ASPSCR1: variants seen among roughly 807,000 people sequenced by gnomAD.
ASPSCR1 encodes the protein tether containing UBX domain for GLUT4.
Under a neutral mutation model 68.9 loss-of-function variants are expected in ASPSCR1, and 55 were observed. The observed-to-expected ratio is 0.80, with a 90% CI of 0.64 to 1.00. The LOEUF (loss-of-function observed/expected upper bound fraction) is 1.00, where lower values mean the gene tolerates loss of function less well. Among genes scored for constraint, ASPSCR1 ranks in the 50% least tolerant of loss-of-function variants. ASPSCR1 has a pLI of 0.00. For synonymous variants in ASPSCR1, 352 were observed against 332.6 expected (o/e 1.06, Z -0.63); for missense variants, 765 against 762.2 (o/e 1.00, Z -0.04).
intron 2 of ASPSCR1, among the ~76,000 whole-genome samples, chr17:81,981,589 T>C (rs1350141442): frequency 2.0e-5 from 3 of 151,946 alleles, no homozygotes; most frequent in Non-Finnish European, 4.4e-5. Context: ...ATGTTGGTCA[T>C]GCTGGTCTTC....
At chr17:82,015,344 G>T in intron 12 of ASPSCR1, 1 of 1,597,938 alleles carries the variant, frequency 6.3e-7, no homozygotes, top group Non-Finnish European at 8.5e-7. Context: ...ACAAGCACGT[G>T]GGGACAGGCC....
chr17:81,997,632 G>T (rs2042396282), intron 7 of ASPSCR1, among the ~76,000 whole-genome samples: 1 of 150,138 alleles, frequency 6.7e-6, no homozygotes, highest in East Asian at 1.9e-4. Context: ...GGGACTACAA[G>T]CGCGCACCAC....
rs1055554881 is a variant in ASPSCR1 at position 81,986,891 on chromosome 17, G to T, written c.374+1284G>T. On this transcript the variant is annotated intron_variant, in intron 4 of 15. Coordinates refer to ENST00000306739, the MANE Select transcript of ASPSCR1 (RefSeq NM_024083.4). The surrounding 1 kb of genome is among the most constrained non-coding windows in gnomAD (Gnocchi z 5.2). ...TGAGGTCTGCACGTCGGGTCTCAGT[G>T]GTCATGGGGATGGAAGCCACCCCAG... 6.6e-6 allele frequency among the ~76,000 whole-genome samples: 1 copy of T among 152,332 alleles called. No individual in the cohort carries two copies. The highest frequency in any genetic ancestry group is 2.4e-5 in the African/African-American group (1 of 41,568).
At chr17:82,015,118 C>G (rs750491850) in intron 12 of ASPSCR1, 1 of 1,598,218 alleles carries the variant, frequency 6.3e-7, no homozygotes, top group Non-Finnish European at 8.5e-7. Flanking sequence ...CTGGGTCCCT[C>G]GCTGAAACGG....
chr17:81,981,025 A>T (rs938993442), intron 2 of ASPSCR1, among the ~76,000 whole-genome samples: 1 of 152,218 alleles, frequency 6.6e-6, no homozygotes, highest in African/African-American at 2.4e-5. Flanking sequence ...AAGTAAATAA[A>T]TAAATAAATG....
chr17:81,999,827 G>A lies in ASPSCR1; in HGVS notation c.933+2981G>A, dbSNP rs2042469903. Among the ~76,000 whole-genome samples the A allele has an allele frequency of 6.6e-6, 1 of 152,174 alleles. No individual in the cohort carries two copies. The highest frequency in any genetic ancestry group is 2.1e-4 in the South Asian group (1 of 4,828). ...TTGCCTCCCGGCCACACACCTGGGA[G>A]GGCAGAGGCCGGGCGTCTGCACCGT... On this transcript the variant is annotated intron_variant, in intron 7 of 15. Coordinates refer to ENST00000306739, the MANE Select transcript of ASPSCR1 (RefSeq NM_024083.4). The surrounding 1 kb of genome is among the most constrained non-coding windows in gnomAD (Gnocchi z 4.4).
At chr17:82,000,106 G>A (rs545347554) in intron 7 of ASPSCR1, among the ~76,000 whole-genome samples, 2 of 152,362 alleles carry the variant, frequency 1.3e-5, no homozygotes, top group South Asian at 4.1e-4. Context: ...GGGTGAGCAG[G>A]GGCTGACCCC....
In ASPSCR1 at chr17:81,999,795, C is replaced by T. The variant is rs1415867901; in HGVS notation, c.933+2949C>T. Reference sequence around the variant, plus strand: ...ACTTCTGAGTGAAGCAACCTCATGCCTCCCTCTTGCCTCCCGGCCACACAC... The same window carrying T: ...ACTTCTGAGTGAAGCAACCTCATGCTTCCCTCTTGCCTCCCGGCCACACAC... On this transcript the variant is annotated intron_variant, in intron 7 of 15. Coordinates refer to ENST00000306739, the MANE Select transcript of ASPSCR1 (RefSeq NM_024083.4). The surrounding 1 kb of genome is among the most constrained non-coding windows in gnomAD (Gnocchi z 4.4). 6.6e-6 allele frequency among the ~76,000 whole-genome samples: 1 copy of T among 152,146 alleles called. No homozygotes were observed. The highest frequency in any genetic ancestry group is 1.5e-5 in the Non-Finnish European group (1 of 68,028).
chr17:82,012,102 G>A (rs2042967706), intron 11 of ASPSCR1, 129 bp from the exon 12 acceptor site: 8 of 1,102,520 alleles, frequency 7.3e-6, no homozygotes, highest in Non-Finnish European at 1.1e-5. Context: ...TGGGCACAGG[G>A]CGTGCTCGTG....
At chr17:81,985,288 T>A (rs1266225844) in intron 3 of ASPSCR1, among the ~76,000 whole-genome samples, 1 of 151,432 alleles carries the variant, frequency 6.6e-6, no homozygotes, top group Non-Finnish European at 1.5e-5. Flanking sequence ...ACCTGCACAC[T>A]CACATGCACA....
chr17:82,009,762 G>A (rs1014496409), intron 9 of ASPSCR1, among the ~76,000 whole-genome samples, 195 bp downstream of exon 9: 5 of 151,118 alleles, frequency 3.3e-5, no homozygotes, highest in Admixed American at 1.3e-4. Context: ...ACGTGGGGGC[G>A]ACTGAGGTAC....
At chr17:81,985,084 C>G (rs1382718001) in intron 3 of ASPSCR1, among the ~76,000 whole-genome samples, 1 of 146,598 alleles carries the variant, frequency 6.8e-6, no homozygotes, top group African/African-American at 2.5e-5. Context: ...ACACACACAC[C>G]TACACATCTG....
At chr17:82,001,897 C>G (rs115211119) in intron 7 of ASPSCR1, among the ~76,000 whole-genome samples, 2,278 of 152,214 alleles carry the variant, frequency 0.015, 46 homozygotes, top group African/African-American at 0.052. Flanking sequence ...TGACACACGC[C>G]TGCCACACCG....
chr17:82,000,753 T>C (rs973000968), intron 7 of ASPSCR1, among the ~76,000 whole-genome samples: 1 of 152,150 alleles, frequency 6.6e-6, no homozygotes, highest in African/African-American at 2.4e-5. Flanking sequence ...CATTAATTAT[T>C]AGAAGGTAGT....
Position 81,979,198 on chromosome 17 carries a change from G to T in ASPSCR1, c.117G>T (p.Thr39=), listed in dbSNP as rs548110132. The T allele has an allele frequency of 6.2e-7, 1 of 1,614,108 alleles. No homozygotes were observed. Among genetic ancestry groups the T allele is most frequent in the African/African-American group, 1.3e-5 (1 of 75,052 alleles). ...STVLLQVLED[T]CRRQDFNPCE... ...CTCACCCCCAGGTTCTGGAGGACAC[G>T]TGCCGGCGGCAGGACTTCAACCCCT... is the stretch of plus-strand genomic sequence containing the variant. Residue 39 remains threonine (T), a synonymous_variant, in exon 2 of 16, where the codon ACG becomes ACT. Transcript: ENST00000306739.
chr17:82,016,305 AGG>A, intron 12 of ASPSCR1, 169 bp from the exon 13 acceptor site: 1 of 625,282 alleles, frequency 1.6e-6, no homozygotes, highest in Non-Finnish European at 2.8e-6. Flanking sequence ...CCTTGCTTAC[AGG>A]GGTAGGGCTG....
chr17:81,993,884 G>A (rs752437701), intron 4 of ASPSCR1, among the ~76,000 whole-genome samples: 15 of 152,158 alleles, frequency 9.9e-5, no homozygotes, highest in Non-Finnish European at 1.9e-4. Flanking sequence ...ACCTGAGGCC[G>A]GCCCTGGCCT....
At chr17:81,997,764 C>T (rs2042401016) in intron 7 of ASPSCR1, among the ~76,000 whole-genome samples, 1 of 151,850 alleles carries the variant, frequency 6.6e-6, no homozygotes, top group East Asian at 1.9e-4. Flanking sequence ...GCTGGGATTA[C>T]AGGCGTGAGC....
intron 1 of ASPSCR1, chr17:81,978,883 A>G (rs906582519): frequency 2.1e-6 from 1 of 479,616 alleles, no homozygotes; most frequent in Non-Finnish European, 3.8e-6. Flanking sequence ...ACAGGGTTTG[A>G]AGGAGAGCCC....
Sources: allele counts gnomAD v4.1 joint callset (sites outside exome capture counted in the v4.1 genomes callset), GRCh38; gene constraint gnomAD v4.1.1; non-coding constraint Gnocchi (gnomAD v3.1); transcripts MANE v1.5; gene names NCBI Gene and HGNC (gene_info 2026-07-23, HGNC 2026-07-21).